LOXL4: variants seen among roughly 807,000 people sequenced by gnomAD.
LOXL4 encodes lysyl oxidase like 4.
In LOXL4, 72 loss-of-function variants were observed where a neutral mutation model predicts 89.1. The ratio of observed to expected loss-of-function variants is 0.81; its 90% CI spans 0.67 to 0.98. LOXL4 has a LOEUF of 0.98. LOXL4 is among the 50% of genes least tolerant of loss of function. The pLI, the probability that LOXL4 is intolerant of heterozygous loss-of-function variation, is 0.00. For synonymous variants in LOXL4, 355 were observed against 392.1 expected (o/e 0.91, Z 1.12); for missense variants, 984 against 1,017.5 (o/e 0.97, Z 0.45).
At position 98,258,933 on chromosome 10, in the gene LOXL4, C is replaced by A. The variant is rs991622799; in HGVS notation, c.921+76G>T. On this transcript the variant is annotated intron_variant, in intron 6 of 14. Transcript: ENST00000260702. The stretch of plus-strand genomic sequence containing the variant: ...CCTCTCTCCTGCGTGTCCTGGACCT[C>A]CCCGCACCCCCCACCAGGCAGTGTC... 2.4e-5 allele frequency: 30 copies of A among 1,250,590 alleles called. No individual in the cohort carries two copies. The East Asian group carries it at 3.1e-4, about 13-fold the overall frequency. 77.5% of individuals were successfully genotyped at this position (1,250,590 alleles called of 1,614,324 possible).
intron 14 of LOXL4, among the ~76,000 whole-genome samples, chr10:98,249,870 G>A (rs530726023): frequency 2.6e-5 from 4 of 152,272 alleles, no homozygotes; most frequent in African/African-American, 7.2e-5. Context: ...ACACAAATTC[G>A]AAACCTTAGA....
At chr10:98,259,499 C>T in intron 4 of LOXL4, 70 bp from the exon 5 acceptor site, 3 of 1,349,528 alleles carry the variant, frequency 2.2e-6, no homozygotes, top group Non-Finnish European at 3.2e-6. Flanking sequence ...CCTGGTTCCT[C>T]ATAGTTGTCC....
In LOXL4 at chr10:98,255,651, T is replaced by C; in HGVS notation, c.1517A>G (p.Gln506Arg). 6.2e-7 allele frequency: 1 copy of C among 1,613,684 alleles called. No individual in the cohort carries two copies. Among genetic ancestry groups the C allele is most frequent in the Non-Finnish European group, 8.5e-7 (1 of 1,179,682 alleles). ...RCSGTELALQ[Q>R]CQRHGPVHCS... is the part of the protein sequence containing the mutation. Reference sequence around the variant, plus strand: ...GTGCACCGGCCCGTGCCTCTGGCACTGCTGCAGGGCCAGCTCTGTGCCTGA... The same window carrying C: ...GTGCACCGGCCCGTGCCTCTGGCACCGCTGCAGGGCCAGCTCTGTGCCTGA... The change falls in exon 10 of 15, where the codon CAG (glutamine) becomes CGG (arginine). Residue 506 changes from glutamine to arginine, a missense_variant. Gln to Arg is a conservative substitution (Grantham distance 43, BLOSUM62 1). Transcript: ENST00000260702.
At chr10:98,258,507 G>A (rs1215872248) in intron 6 of LOXL4, among the ~76,000 whole-genome samples, 1 of 151,706 alleles carries the variant, frequency 6.6e-6, no homozygotes, top group Non-Finnish European at 1.5e-5. Context: ...TGGCACTAAG[G>A]TATCTGTACC....
intron 1 of LOXL4, among the ~76,000 whole-genome samples, chr10:98,265,951 C>CAT (rs1858673522): frequency 6.6e-6 from 1 of 152,210 alleles, no homozygotes; most frequent in Non-Finnish European, 1.5e-5. Flanking sequence ...ACCTCTGCAG[C>CAT]TCTCCCCCTC....
In LOXL4 at chr10:98,256,820, C is replaced by T; in HGVS notation, c.1388G>A (p.Cys463Tyr). 6 of 1,614,182 alleles carry T rather than the reference C, an allele frequency of 3.7e-6. No homozygotes were observed. Among genetic ancestry groups the T allele is most frequent in the Non-Finnish European group, 4.2e-6 (5 of 1,180,058 alleles). The change falls in exon 9 of 15, where the codon TGC (cysteine) becomes TAC (tyrosine). Residue 463 changes from cysteine (C) to tyrosine (Y), a missense_variant. Coordinates refer to ENST00000260702, the MANE Select transcript of LOXL4 (RefSeq NM_032211.7). ...NWGLTEAMVA[C>Y]RQLGLGFAIH... ...GGCAAAACCCAGGCCGAGCTGTCGG[C>T]AGGCCACCATGGCTTCGGTGAGCCC...
rs1480058280 is a variant in LOXL4, at chr10:98,252,401, C to T, written c.1903G>A (p.Glu635Lys). 6.2e-7 allele frequency: 1 copy of T among 1,614,158 alleles called. No homozygotes were observed. The highest frequency in any genetic ancestry group is 2.2e-5 in the East Asian group (1 of 44,860). ...LLTLNGSKVAEGHKASFCLED... is the reference protein window; with the variant it reads ...LLTLNGSKVAKGHKASFCLED... Reference sequence around the variant, plus strand: ...AGACAGAAGCTGGCCTTGTGCCCCTCAGCCACCTTGGAGCCATTGAGAGTG... The same window carrying T: ...AGACAGAAGCTGGCCTTGTGCCCCTTAGCCACCTTGGAGCCATTGAGAGTG... Residue 635 changes from glutamate to lysine, a missense_variant, in exon 12 of 15, where the codon GAG becomes AAG. Glu to Lys is a moderately conservative substitution (Grantham distance 56). Transcript: ENST00000260702.
chr10:98,260,488 C>T (rs548736826), intron 4 of LOXL4, among the ~76,000 whole-genome samples: 5 of 151,842 alleles, frequency 3.3e-5, no homozygotes, highest in South Asian at 2.1e-4. Context: ...GGTGGGGGGG[C>T]GTTCTGTACC....
At chr10:98,259,506 G>T in intron 4 of LOXL4, 77 bp from the exon 5 acceptor site, 2 of 1,296,118 alleles carry the variant, frequency 1.5e-6, no homozygotes, top group East Asian at 2.3e-5. Context: ...CCTCATAGTT[G>T]TCCTTAAGTT....
Position 98,249,002 on chromosome 10 carries a change from A to C in LOXL4, c.2201-11T>G. On this transcript the variant is annotated splice_polypyrimidine_tract_variant and intron_variant, in intron 14 of 14. Coordinates refer to ENST00000260702, the MANE Select transcript of LOXL4 (RefSeq NM_032211.7). Reference sequence around the variant, plus strand: ...CTGGGTATGAATTCCCTGTGGGCCAAAGGAAAACAGGTAAGTAGCCAACCT... The same window carrying C: ...CTGGGTATGAATTCCCTGTGGGCCACAGGAAAACAGGTAAGTAGCCAACCT... The C allele has an allele frequency of 6.2e-7, 1 of 1,612,570 alleles. No homozygotes were observed.
rs151082276 is a variant in LOXL4 at position 98,262,190 on chromosome 10, G to A, written c.301C>T (p.Arg101Cys). 25 of 1,613,512 alleles carry A rather than the reference G, an allele frequency of 1.5e-5. No homozygotes were observed. Among genetic ancestry groups the A allele is most frequent in the South Asian group, 4.4e-5 (4 of 91,060 alleles). ...GEGPIWLDNV[R>C]CVGTESSLDQ... Reference sequence around the variant, plus strand: ...AAGGAGCTCTCTGTGCCCACACAGCGCACATTGTCCAGCCAGATGGGTCCT... The same window carrying A: ...AAGGAGCTCTCTGTGCCCACACAGCACACATTGTCCAGCCAGATGGGTCCT... The change falls in exon 3 of 15, where the codon CGC becomes TGC. Residue 101 changes from arginine to cysteine, a missense_variant. By Grantham distance (180) the Arg-to-Cys change is radical (BLOSUM62 -3). Transcript: ENST00000260702.
At chr10:98,252,274 G>GA in intron 12 of LOXL4, 79 bp downstream of exon 12, 4 of 1,119,198 alleles carry the variant, frequency 3.6e-6, no homozygotes, top group Non-Finnish European at 5.3e-6. Flanking sequence ...GAACAGGGCA[G>GA]AGAGAAAGCC....
intron 7 of LOXL4, 58 bp from the exon 8 acceptor site, chr10:98,257,862 G>A (rs533294838): frequency 1.3e-6 from 2 of 1,583,576 alleles, no homozygotes; most frequent in Non-Finnish European, 8.6e-7. Flanking sequence ...CCACACTTGT[G>A]GCTTCCCCTT....
At chr10:98,256,453 T>TC (rs1454503937) in intron 9 of LOXL4, 1 of 368,956 alleles carries the variant, frequency 2.7e-6, no homozygotes, top group Admixed American at 4.8e-5. Context: ...CACACTACAA[T>TC]CCCTGGCCCT....
intron 10 of LOXL4, 107 bp from the exon 11 acceptor site, chr10:98,253,903 A>G: frequency 7.0e-7 from 1 of 1,419,700 alleles, no homozygotes; most frequent in Non-Finnish European, 9.5e-7. Context: ...CTCCGAGAGG[A>G]CCCCACAAAA....
At position 98,262,859 on chromosome 10, in the gene LOXL4, C is replaced by G. The variant is rs779461942; in HGVS notation, c.161G>C (p.Trp54Ser). The change falls in exon 2 of 15, where the codon TGG becomes TCG. Residue 54 changes from tryptophan to serine, a missense_variant. Trp to Ser is a radical substitution (Grantham distance 177). Transcript: ENST00000260702. Reference sequence around the variant, plus strand: ...AAAGTTGTCATCACACACGGTGCCCCACTGGCCCTGGTGCAGCACCTCCAG... The same window carrying G: ...AAAGTTGTCATCACACACGGTGCCCGACTGGCCCTGGTGCAGCACCTCCAG... ...GRLEVLHQGQ[W>S]GTVCDDNFAI... 6.2e-7 allele frequency: 1 copy of G among 1,613,770 alleles called. No individual in the cohort carries two copies. Among genetic ancestry groups the G allele is most frequent in the Non-Finnish European group, 8.5e-7 (1 of 1,180,048 alleles).
chr10:98,262,589 G>A (rs921675382), intron 2 of LOXL4, among the ~76,000 whole-genome samples, 154 bp downstream of exon 2: 7 of 152,332 alleles, frequency 4.6e-5, no homozygotes, highest in African/African-American at 1.7e-4. Context: ...GAGGGTGGGA[G>A]TAGGGGCCAT....
At chr10:98,255,511 A>T in intron 10 of LOXL4, 66 bp downstream of exon 10, 1 of 1,504,706 alleles carries the variant, frequency 6.6e-7, no homozygotes, top group Non-Finnish European at 9.0e-7. Flanking sequence ...ACCAGCATGC[A>T]GGGCCCTCCC....
chr10:98,257,745 C>T lies in LOXL4; in HGVS notation c.1165G>A (p.Asp389Asn), dbSNP rs750938515. 2.0e-5 allele frequency: 32 copies of T among 1,613,962 alleles called. No individual in the cohort carries two copies. The highest frequency in any genetic ancestry group is 5.0e-5 in the Admixed American group (3 of 59,986). ...TGGGACCCTTCCAGGGCAGGGCAGT[C>T]GCTGAGGGTCCGCTCATATCCCCTG... ...RCRGYERTLS[D>N]CPALEGSQNG... Residue 389 changes from aspartate to asparagine, a missense_variant, in exon 8 of 15, where the codon GAC becomes AAC. By Grantham distance (23) the Asp-to-Asn change is conservative. Coordinates refer to ENST00000260702, the MANE Select transcript of LOXL4 (RefSeq NM_032211.7).
Sources: allele counts gnomAD v4.1 joint callset (sites outside exome capture counted in the v4.1 genomes callset), GRCh38; gene constraint gnomAD v4.1.1; transcripts MANE v1.5; gene names NCBI Gene and HGNC (gene_info 2026-07-23, HGNC 2026-07-21).